STK24: variants seen among roughly 807,000 people sequenced by gnomAD.
The protein encoded by STK24 is serine/threonine kinase 24.
STK24 carries 21 observed loss-of-function variants against 55.6 expected under a neutral mutation model. The ratio of observed to expected loss-of-function variants is 0.38; its 90% CI spans 0.27 to 0.54. The LOEUF is 0.54. STK24 is among the 20% of genes least tolerant of loss of function. The pLI is 0.79. For missense variants in STK24, 383 were observed against 538.4 expected, an observed-to-expected ratio of 0.71 and a Z score of 2.86; for synonymous variants, 200 against 215.2, an observed-to-expected ratio of 0.93 and a Z score of 0.62.
At chr13:98,481,667 TTGAGA>T (rs747910217) in intron 3 of STK24, among the ~76,000 whole-genome samples, 34 of 152,212 alleles carry the variant, frequency 2.2e-4, no homozygotes, top group Non-Finnish European at 4.7e-4. Flanking sequence ...CTGTTCTCAG[TTGAGA>T]TAATTCCAGG....
intron 2 of STK24, among the ~76,000 whole-genome samples, chr13:98,487,487 C>G (rs188756222): frequency 6.6e-6 from 1 of 152,232 alleles, no homozygotes; most frequent in Non-Finnish European, 1.5e-5. Flanking sequence ...CACCCTGGGC[C>G]CCCATTACCC....
At chr13:98,512,677 A>G (rs1187327599) in intron 2 of STK24, among the ~76,000 whole-genome samples, 1 of 152,006 alleles carries the variant, frequency 6.6e-6, no homozygotes, top group East Asian at 1.9e-4. Flanking sequence ...ATAAAGCCAG[A>G]TAATTCTGAC....
At chr13:98,516,668 T>TA (rs1189169473) in intron 2 of STK24, among the ~76,000 whole-genome samples, 6 of 152,026 alleles carry the variant, frequency 3.9e-5, no homozygotes, top group Admixed American at 3.9e-4. Flanking sequence ...AACGCTGACT[T>TA]ATGGCAGCTG....
chr13:98,528,197 C>G (rs528527807), intron 1 of STK24, among the ~76,000 whole-genome samples: 1 of 152,190 alleles, frequency 6.6e-6, no homozygotes, highest in African/African-American at 2.4e-5. Flanking sequence ...CTACACAGAA[C>G]GGCCATGACC....
chr13:98,485,178 G>A (rs750756657), intron 2 of STK24, among the ~76,000 whole-genome samples: 8 of 152,194 alleles, frequency 5.3e-5, no homozygotes, highest in Non-Finnish European at 8.8e-5. Context: ...CAGGGGAACT[G>A]CAGTTGAGAA....
At chr13:98,499,533 G>A (rs1310439037) in intron 2 of STK24, among the ~76,000 whole-genome samples, 1 of 152,218 alleles carries the variant, frequency 6.6e-6, no homozygotes, top group African/African-American at 2.4e-5. Context: ...GATGGGGCAG[G>A]TGGAATGTCA....
In STK24 at chr13:98,466,831, G is replaced by A. The variant is rs545600793; in HGVS notation, c.598-270C>T. On this transcript the variant is annotated intron_variant, in intron 5 of 10. Coordinates refer to ENST00000539966, the MANE Select transcript of STK24 (RefSeq NM_001032296.4). ...CTGCTGGATGCATTCGGCATTCCCC[G>A]TGGAGTCCCGGGGGCCAGCAGGACC... Among the ~76,000 whole-genome samples the A allele has an allele frequency of 6.1e-3, 933 of 152,184 alleles. 5 individuals carry two copies. The highest frequency in any genetic ancestry group is 9.0e-3 in the Non-Finnish European group (614 of 68,022).
chr13:98,570,356 T>G (rs1897707772), intron 1 of STK24, among the ~76,000 whole-genome samples: 1 of 152,012 alleles, frequency 6.6e-6, no homozygotes, highest in African/African-American at 2.4e-5. Context: ...CTAAACAAAA[T>G]CCTAAGTAAT....
At position 98,474,813 on chromosome 13, in the gene STK24, C is replaced by A. The variant is rs746290799; in HGVS notation, c.597+8G>T. ...TGAGGCACGGCGCCGCCCTCACCCTCCCCTCACCTTCGAGTCATAGGCCGA... is the reference window on the plus strand; with the variant it reads ...TGAGGCACGGCGCCGCCCTCACCCTACCCTCACCTTCGAGTCATAGGCCGA... On this transcript the variant is annotated splice_region_variant and intron_variant, in intron 5 of 10. Coordinates refer to ENST00000539966, the MANE Select transcript of STK24 (RefSeq NM_001032296.4). 2.5e-6 allele frequency: 4 copies of A among 1,606,414 alleles called. No homozygotes were observed. The highest frequency in any genetic ancestry group is 3.4e-4 in the Middle Eastern group (2 of 5,868).
Position 98,445,865 on chromosome 13 carries a change from T to TTG in STK24, c.*7307_*7308insCA. On this transcript the variant is annotated 3_prime_UTR_variant, in exon 11 of 11. Coordinates refer to ENST00000539966, the MANE Select transcript of STK24 (RefSeq NM_001032296.4). The stretch of plus-strand genomic sequence containing the variant: ...GTAGTCAGGACCTCAACGTGTCTTT[T>TTG]GGGGGGACACAGGGACCCCAAGATG... 2.3e-6 allele frequency: 1 copy of TTG among 431,172 alleles called. No individual in the cohort carries two copies. The highest frequency in any genetic ancestry group is 4.2e-6 in the Non-Finnish European group (1 of 235,482). The allele number at this position is 431,172 out of a possible 1,614,324, so 26.7% of individuals were successfully genotyped here.
intron 4 of STK24, 131 bp from the exon 5 acceptor site, chr13:98,475,109 G>GACCT: frequency 7.0e-7 from 1 of 1,423,250 alleles, no homozygotes; most frequent in Admixed American, 2.6e-5. Flanking sequence ...CTTTTTGTCA[G>GACCT]ACCCCCTCAA....
At chr13:98,551,748 T>C (rs558996328) in intron 1 of STK24, among the ~76,000 whole-genome samples, 2 of 152,332 alleles carry the variant, frequency 1.3e-5, no homozygotes, top group Admixed American at 1.3e-4. Context: ...CTTGCTGGAA[T>C]GTCTGCCCGA....
At chr13:98,470,827 A>T (rs1048453336) in intron 5 of STK24, among the ~76,000 whole-genome samples, 2 of 152,258 alleles carry the variant, frequency 1.3e-5, no homozygotes, top group African/African-American at 4.8e-5. Flanking sequence ...TAGAGAAAAT[A>T]ATTCTAGAAG....
chr13:98,479,320 C>T (rs183189888), intron 3 of STK24, among the ~76,000 whole-genome samples: 238 of 152,320 alleles, frequency 1.6e-3, no homozygotes, highest in African/African-American at 4.0e-3. Flanking sequence ...GGACTGAGCA[C>T]ACACTCAAAT....
rs533468847 is a variant in STK24 at position 98,519,250 on chromosome 13, T to C, written c.266A>G (p.Tyr89Cys). The change falls in exon 2 of 11, where the codon TAT (tyrosine) becomes TGT (cysteine). Residue 89 changes from tyrosine (Y) to cysteine (C), a missense_variant. Physicochemically the swap from Tyr to Cys is radical, Grantham distance 194. Coordinates refer to ENST00000539966, the MANE Select transcript of STK24 (RefSeq NM_001032296.4). Reference protein sequence around the residue: ...SPYVTKYYGSYLKDTKLWIIM... With the variant: ...SPYVTKYYGSCLKDTKLWIIM... ...CGTTATTTTAAGCCTTACCTTCAGA[T>C]AGGATCCATAATATTTGGTTACATA... 3 of 1,613,656 alleles carry C rather than the reference T, an allele frequency of 1.9e-6. No individual in the cohort carries two copies. The highest frequency in any genetic ancestry group is 1.3e-5 in the African/African-American group (1 of 74,930).
At chr13:98,461,727 A>G in intron 8 of STK24, 47 bp downstream of exon 8, 4 of 1,602,040 alleles carry the variant, frequency 2.5e-6, no homozygotes, top group Non-Finnish European at 2.6e-6. Flanking sequence ...CCTCCAAAAC[A>G]CTGCAGACTG....
chr13:98,466,261 T>G, intron 6 of STK24, 115 bp downstream of exon 6: 4 of 1,027,928 alleles, frequency 3.9e-6, no homozygotes, highest in Non-Finnish European at 5.3e-6. Context: ...AAAAGAAAAA[T>G]GAATAATACC....
chr13:98,542,910 G>A (rs959868517), intron 1 of STK24: 23 of 985,302 alleles, frequency 2.3e-5, no homozygotes, highest in South Asian at 1.4e-4. Flanking sequence ...CAGAACACGC[G>A]GCCTGACAGG....
intron 1 of STK24, among the ~76,000 whole-genome samples, chr13:98,541,263 A>G (rs1471558451): frequency 6.6e-6 from 1 of 152,086 alleles, no homozygotes; most frequent in African/African-American, 2.4e-5. Flanking sequence ...GCTGCAGGAA[A>G]TAAAAACGCT....
Sources: allele counts gnomAD v4.1 joint callset (sites outside exome capture counted in the v4.1 genomes callset), GRCh38; gene constraint gnomAD v4.1.1; transcripts MANE v1.5; gene names NCBI Gene and HGNC (gene_info 2026-07-23, HGNC 2026-07-21).